The following ITPRID2 variants were observed in gnomAD, a reference collection of about 807,000 sequenced individuals.
ITPRID2 encodes ITPR interacting domain containing 2, also known as protein ITPRID2.
Under a neutral mutation model 124.3 loss-of-function variants are expected in ITPRID2, and 60 were observed. That is an observed-to-expected ratio of 0.48 (90% CI 0.39 to 0.60). The LOEUF (loss-of-function observed/expected upper bound fraction) is 0.60. Ranked by LOEUF, ITPRID2 falls within the 20% of genes least tolerant of loss-of-function variation. The pLI is 0.00. For missense variants in ITPRID2, 1,553 were observed against 1,512.2 expected (o/e 1.03, Z -0.45); for synonymous variants, 521 against 542.9 (o/e 0.96, Z 0.56).
intron 10 of ITPRID2, 110 bp downstream of exon 10, chr2:181,914,043 T>G (rs1693837027): frequency 1.5e-6 from 1 of 689,596 alleles, no homozygotes; most frequent in Non-Finnish European, 2.3e-6. Flanking sequence ...ATTTTTCAAG[T>G]GACAGAACAA....
intron 16 of ITPRID2, 141 bp from the exon 17 acceptor site, chr2:181,928,020 C>T: frequency 3.4e-6 from 2 of 593,032 alleles, no homozygotes; most frequent in Non-Finnish European, 6.0e-6. Context: ...CTCGATTCCC[C>T]ACTCCCTCTC....
intron 8 of ITPRID2, among the ~76,000 whole-genome samples, chr2:181,904,294 C>G: frequency 6.6e-6 from 1 of 151,638 alleles, no homozygotes; most frequent in Non-Finnish European, 1.5e-5. Context: ...TTTTGAAGTA[C>G]AAGATTACAT....
At position 181,910,541 on chromosome 2, in the gene ITPRID2, C is replaced by A; in HGVS notation, c.1486+570C>A. On this transcript the variant is annotated intron_variant, in intron 9 of 17. Coordinates refer to ENST00000431877, the MANE Select transcript of ITPRID2 (RefSeq NM_001130445.3). The surrounding 1 kb of genome is among the most constrained non-coding windows in gnomAD (Gnocchi z 4.1). Reference sequence around the variant, plus strand: ...TTTCACTTTTAACTTGCAACAACAACAACAACAAAAATGTGTGATCTTTGG... The same window carrying A: ...TTTCACTTTTAACTTGCAACAACAAAAACAACAAAAATGTGTGATCTTTGG... 1 of 663,326 alleles carries A rather than the reference C, an allele frequency of 1.5e-6. No homozygotes were observed. The allele number at this position is 663,326 out of a possible 1,614,324, so 41.1% of individuals were successfully genotyped here. A position where few individuals can be genotyped will look rare whatever the true frequency, so the allele number is the denominator to read the frequency against.
chr2:181,894,618 A>C (rs1692033749), intron 2 of ITPRID2: 1 of 152,138 alleles, frequency 6.6e-6, no homozygotes, highest in Non-Finnish European at 1.5e-5. Context: ...CATTTTACCC[A>C]CTTGATAAGT....
At position 181,902,093 on chromosome 2, in the gene ITPRID2, TGAA is replaced by T. The variant is rs755196584; in HGVS notation, c.1047_1049del (p.Lys350del). ...AACGATCAAAAGTCTCAAAAAATTA[TGAA>T]GAAGAAAGAGTCATCTTCTATGTTG... On this transcript the variant is annotated inframe_deletion, in exon 8 of 18. Coordinates refer to ENST00000431877, the MANE Select transcript of ITPRID2 (RefSeq NM_001130445.3). This position sits in a 1 kb window ranked among gnomAD's most constrained non-coding sequence, Gnocchi z 4.4. The T allele has an allele frequency of 7.4e-6, 12 of 1,610,822 alleles. No individual in the cohort carries two copies. The East Asian group carries it at 2.7e-4, about 36-fold the overall frequency.
chr2:181,924,661 A>G (rs1694720521), intron 16 of ITPRID2, among the ~76,000 whole-genome samples: 1 of 152,234 alleles, frequency 6.6e-6, no homozygotes, highest in South Asian at 2.1e-4. Flanking sequence ...CTTTCGTTGT[A>G]CCATTAAGTG....
At chr2:181,918,405 T>TG (rs1214406888) in intron 11 of ITPRID2, 193 bp from the exon 12 acceptor site, 1 of 1,371,958 alleles carries the variant, frequency 7.3e-7, no homozygotes, top group East Asian at 2.7e-5. Flanking sequence ...GACTTATACC[T>TG]GGAACAGCTA....
At position 181,926,659 on chromosome 2, in the gene ITPRID2, G is replaced by T. The variant is rs193108490; in HGVS notation, c.3676-1502G>T. On this transcript the variant is annotated intron_variant, in intron 16 of 17. Transcript: ENST00000431877. ...ACCCAGGAGGCGGAGCTTGCAGTGAGCCGATATTGTACCGCTGCACTCCAA... is the reference window on the plus strand; with the variant it reads ...ACCCAGGAGGCGGAGCTTGCAGTGATCCGATATTGTACCGCTGCACTCCAA... 5.1e-3 allele frequency among the ~76,000 whole-genome samples: 760 copies of T among 149,338 alleles called. 24 individuals carry two copies. Among genetic ancestry groups the T allele is most frequent in the Non-Finnish European group, 1.6e-3 (106 of 67,816 alleles).
Position 181,898,934 on chromosome 2 carries a change from T to G in ITPRID2, c.404+15T>G, listed in dbSNP as rs749052964. 1 of 1,608,668 alleles carries G rather than the reference T, an allele frequency of 6.2e-7. No individual in the cohort carries two copies. The highest frequency in any genetic ancestry group is 1.1e-5 in the South Asian group (1 of 90,528). On this transcript the variant is annotated intron_variant, in intron 5 of 17. Transcript: ENST00000431877. The stretch of plus-strand genomic sequence containing the variant: ...ATTGAAAACTGGTATGTAGCTGTTT[T>G]GTTCTATTTCTTTTAAAAAATGAAG...
At chr2:181,893,629 G>A (rs1248826649) in intron 2 of ITPRID2, 1 of 152,112 alleles carries the variant, frequency 6.6e-6, no homozygotes, top group Non-Finnish European at 1.5e-5. Flanking sequence ...CCCTTTATTG[G>A]AAGTGTCATA....
chr2:181,922,207 C>T lies in ITPRID2; in HGVS notation c.3470C>T (p.Pro1157Leu). 6.2e-7 allele frequency: 1 copy of T among 1,614,228 alleles called. No homozygotes were observed. Among genetic ancestry groups the T allele is most frequent in the Non-Finnish European group, 8.5e-7 (1 of 1,180,040 alleles). ...KVFRASVALT[P>L]TAPSRTGSVQ... Reference sequence around the variant, plus strand: ...TTCCGAGCATCGGTGGCTCTAACGCCAACAGCTCCTTCTAGAACAGGCTCT... The same window carrying T: ...TTCCGAGCATCGGTGGCTCTAACGCTAACAGCTCCTTCTAGAACAGGCTCT... The change falls in exon 16 of 18, where the codon CCA becomes CTA. Residue 1157 changes from proline (P) to leucine (L), a missense_variant. By Grantham distance (98) the Pro-to-Leu change is moderately conservative (BLOSUM62 -3). Coordinates refer to ENST00000431877, the MANE Select transcript of ITPRID2 (RefSeq NM_001130445.3).
intron 15 of ITPRID2, among the ~76,000 whole-genome samples, 191 bp from the exon 16 acceptor site, chr2:181,921,757 A>T (rs557341238): frequency 1.1e-3 from 168 of 152,308 alleles, no homozygotes; most frequent in Non-Finnish European, 1.9e-3. Flanking sequence ...TTGTTGCTTC[A>T]TCTCAATAGG....
At chr2:181,926,431 C>T (rs1438638607) in intron 16 of ITPRID2, among the ~76,000 whole-genome samples, 5 of 151,950 alleles carry the variant, frequency 3.3e-5, no homozygotes, top group South Asian at 2.1e-4. Flanking sequence ...TACATTTTGG[C>T]GACTGGGCGC....
In ITPRID2 at chr2:181,916,210, C is replaced by A; in HGVS notation, c.2570C>A (p.Pro857His). 6.2e-7 allele frequency: 1 copy of A among 1,614,160 alleles called. No individual in the cohort carries two copies. The highest frequency in any genetic ancestry group is 8.5e-7 in the Non-Finnish European group (1 of 1,180,036). ...ATCCACTCTGAGTGGCAAGAAAGGC[C>A]CCTGTGTGAGCACACAAGAACTCTG... ...HSIHSEWQER[P>H]LCEHTRTLST... The change falls in exon 11 of 18, where the codon CCC (proline) becomes CAC (histidine). Residue 857 changes from proline (P) to histidine (H), a missense_variant. Physicochemically the swap from Pro to His is moderately conservative, Grantham distance 77. Transcript: ENST00000431877.
Position 181,892,823 on chromosome 2 carries a change from G to A in ITPRID2, c.257+163G>A. ...CTTCCTCCTCTAAGCGATTAGAAAT[G>A]GAAGTGCTGTGACCGCTGATTATTT... On this transcript the variant is annotated intron_variant, in intron 2 of 17. Coordinates refer to ENST00000431877, the MANE Select transcript of ITPRID2 (RefSeq NM_001130445.3). This position sits in a 1 kb window ranked among gnomAD's most constrained non-coding sequence, Gnocchi z 5.2. 1 of 744,510 alleles carries A rather than the reference G, an allele frequency of 1.3e-6. No individual in the cohort carries two copies. The highest frequency in any genetic ancestry group is 2.2e-6 in the Non-Finnish European group (1 of 450,020). The allele number at this position is 744,510 out of a possible 1,614,324, so 46.1% of individuals were successfully genotyped here. A position where few individuals can be genotyped will look rare whatever the true frequency, so the allele number is the denominator to read the frequency against.
chr2:181,924,916 G>A (rs1050151282), intron 16 of ITPRID2, among the ~76,000 whole-genome samples: 4 of 152,188 alleles, frequency 2.6e-5, no homozygotes, highest in African/African-American at 9.7e-5. Flanking sequence ...GAAACTGTTT[G>A]CAGTTACTTT....
chr2:181,915,766 G>T lies in ITPRID2; in HGVS notation c.2126G>T (p.Arg709Met). The change falls in exon 11 of 18, where the codon AGG (arginine) becomes ATG (methionine). Residue 709 changes from arginine to methionine, a missense_variant. Coordinates refer to ENST00000431877, the MANE Select transcript of ITPRID2 (RefSeq NM_001130445.3). ...QMKVCSLSNQ[R>M]MGRSLLKSKD... Reference sequence around the variant, plus strand: ...AAGGTTTGCAGTCTGTCTAATCAAAGGATGGGGCGTAGCCTGCTAAAATCA... The same window carrying T: ...AAGGTTTGCAGTCTGTCTAATCAAATGATGGGGCGTAGCCTGCTAAAATCA... 6.2e-7 allele frequency: 1 copy of T among 1,614,110 alleles called. No homozygotes were observed. The highest frequency in any genetic ancestry group is 8.5e-7 in the Non-Finnish European group (1 of 1,180,028).
At chr2:181,898,736 C>A in intron 4 of ITPRID2, 144 bp from the exon 5 acceptor site, 2 of 704,120 alleles carry the variant, frequency 2.8e-6, no homozygotes, top group Admixed American at 4.7e-5. Flanking sequence ...TTTAATAATG[C>A]AGATTTAATG....
chr2:181,915,865 C>A lies in ITPRID2; in HGVS notation c.2225C>A (p.Thr742Asn), dbSNP rs1207193017. Residue 742 changes from threonine to asparagine, a missense_variant, in exon 11 of 18, where the codon ACC becomes AAC. Coordinates refer to ENST00000431877, the MANE Select transcript of ITPRID2 (RefSeq NM_001130445.3). ...CTAAGAAGGTCTCAGTCTTTACCAA[C>A]CACCTTATTGAGCCCAGTAAGGGTT... ...YPLRRSQSLP[T>N]TLLSPVRVVS... 6.2e-7 allele frequency: 1 copy of A among 1,614,218 alleles called. No homozygotes were observed. Among genetic ancestry groups the A allele is most frequent in the Admixed American group, 1.7e-5 (1 of 60,028 alleles).
Sources: gnomAD v4.1 joint callset for allele counts (sites outside exome capture counted in the v4.1 genomes callset) on GRCh38, gnomAD v4.1.1 for gene constraint, Gnocchi (gnomAD v3.1) non-coding constraint, MANE v1.5 for transcripts, NCBI Gene and HGNC (gene_info 2026-07-23, HGNC 2026-07-21) for gene names.